The following GMPS variants were observed in gnomAD, a reference collection of about 807,000 sequenced individuals.
The protein encoded by GMPS is GMP synthase [glutamine-hydrolyzing].
A neutral mutation model predicts 77.9 loss-of-function variants in GMPS; 15 were observed. The ratio of observed to expected loss-of-function variants is 0.19; its 90% CI spans 0.13 to 0.30. The LOEUF is 0.30. Ranked by LOEUF, GMPS falls within the 10% of genes least tolerant of loss-of-function variation. GMPS has a pLI of 1.00. For missense variants in GMPS, 590 were observed against 838.8 expected, an observed-to-expected ratio of 0.70 and a Z score of 3.66; for synonymous variants, 224 against 275.9, an observed-to-expected ratio of 0.81 and a Z score of 1.86.
At chr3:155,924,022 A>G (rs1411849021) in intron 11 of GMPS, among the ~76,000 whole-genome samples, 1 of 152,214 alleles carries the variant, frequency 6.6e-6, no homozygotes, top group Non-Finnish European at 1.5e-5. Flanking sequence ...CTGGGATTAC[A>G]GGCATGTGCC....
At chr3:155,904,022 A>G (rs944910337) in intron 4 of GMPS, 62 bp downstream of exon 4, 8 of 668,810 alleles carry the variant, frequency 1.2e-5, no homozygotes, top group African/African-American at 7.3e-5. Context: ...TGATACTATT[A>G]TTTTTAACAA....
chr3:155,943,123 C>T lies in GMPS; in HGVS notation c.*5431C>T, dbSNP rs1035486564. ...GCGCGCGCCTGTAATCCCAGCTACT[C>T]GGAAGGCTGAGGTGTGAGAATCACT... On this transcript the variant is annotated 3_prime_UTR_variant, in exon 16 of 16. Transcript: ENST00000496455. The T allele has an allele frequency of 1.6e-4, 29 of 175,810 alleles. No individual in the cohort carries two copies. The highest frequency in any genetic ancestry group is 6.2e-4 in the African/African-American group (26 of 42,238). 10.9% of individuals were successfully genotyped at this position (175,810 alleles called of 1,614,324 possible).
intron 1 of GMPS, among the ~76,000 whole-genome samples, chr3:155,893,285 A>G (rs1754517944): frequency 6.6e-6 from 1 of 152,212 alleles, no homozygotes; most frequent in Non-Finnish European, 1.5e-5. Flanking sequence ...TCACTATATT[A>G]CATAGTCAAT....
At position 155,943,314 on chromosome 3, in the gene GMPS, T is replaced by A. The variant is rs374784306; in HGVS notation, c.*5622T>A. The A allele has an allele frequency of 3.3e-5, 6 of 181,284 alleles. No homozygotes were observed. The East Asian group carries it at 5.4e-4, about 16-fold the overall frequency. The allele number at this position is 181,284 out of a possible 1,614,324, so 11.2% of individuals were successfully genotyped here. On this transcript the variant is annotated 3_prime_UTR_variant, in exon 16 of 16. Transcript: ENST00000496455. ...TAAGGGCCCTTGGTTAGCAAAATTA[T>A]GAAAGTTTAGGAAATTTGGCTATTG...
At chr3:155,929,252 C>T (rs943920629) in intron 12 of GMPS, among the ~76,000 whole-genome samples, 4 of 151,498 alleles carry the variant, frequency 2.6e-5, no homozygotes, top group Non-Finnish European at 5.9e-5. Flanking sequence ...GATGGTATCT[C>T]ATAGTGGTTT....
At chr3:155,904,217 G>A (rs762315552) in intron 4 of GMPS, among the ~76,000 whole-genome samples, 28 of 151,998 alleles carry the variant, frequency 1.8e-4, no homozygotes, top group South Asian at 6.2e-4. Flanking sequence ...ACTTGGAATC[G>A]TATATTGTGA....
rs1755423049 is a variant in GMPS, at chr3:155,925,267, A to G, written c.1461A>G (p.Lys487=). 6.2e-7 allele frequency: 1 copy of G among 1,613,040 alleles called. No individual in the cohort carries two copies. The highest frequency in any genetic ancestry group is 1.7e-5 in the Admixed American group (1 of 59,976). The stretch of plus-strand genomic sequence containing the variant: ...CACATACCCTATTACAGAGAGTCAA[A>G]GCCTGCACAACAGAAGAGGATCAGG... ...KKPHTLLQRV[K]ACTTEEDQEK... The change falls in exon 12 of 16, where the codon AAA becomes AAG. Residue 487 remains lysine, a synonymous_variant. Coordinates refer to ENST00000496455, the MANE Select transcript of GMPS (RefSeq NM_003875.3).
intron 4 of GMPS, 126 bp from the exon 5 acceptor site, chr3:155,906,034 C>T: frequency 2.0e-6 from 1 of 507,664 alleles, no homozygotes; most frequent in Admixed American, 3.7e-5. Flanking sequence ...AGCAGTATTC[C>T]ATTGTCACTT....
chr3:155,936,220 C>CCA lies in GMPS; in HGVS notation c.1808-118_1808-117insCA, dbSNP rs1755762629. The CCA allele has an allele frequency of 6.1e-6, 4 of 658,678 alleles. No individual in the cohort carries two copies. In the East Asian group the frequency reaches 1.0e-4, roughly 17 times the overall value. 40.8% of individuals were successfully genotyped at this position (658,678 alleles called of 1,614,324 possible). A position where few individuals can be genotyped will look rare whatever the true frequency, so the allele number is the denominator to read the frequency against. ...GCTGAAATCAATGCATGATGACAGT[C>CCA]TTAACTACGCTGTGTGTGTATATGT... On this transcript the variant is annotated intron_variant, in intron 14 of 15. Coordinates refer to ENST00000496455, the MANE Select transcript of GMPS (RefSeq NM_003875.3).
chr3:155,871,028 C>A, intron 1 of GMPS, 131 bp downstream of exon 1: 1 of 812,022 alleles, frequency 1.2e-6, no homozygotes, highest in Non-Finnish European at 1.7e-6. Flanking sequence ...CCCGGGCAGC[C>A]ACGCGTCGTA....
intron 11 of GMPS, among the ~76,000 whole-genome samples, chr3:155,924,837 C>A (rs1323927957): frequency 6.6e-6 from 1 of 151,626 alleles, no homozygotes; most frequent in Non-Finnish European, 1.5e-5. Context: ...ATTACTAATA[C>A]CTAGGGATAG....
At chr3:155,880,609 C>T (rs1040817657) in intron 1 of GMPS, among the ~76,000 whole-genome samples, 8 of 152,142 alleles carry the variant, frequency 5.3e-5, no homozygotes, top group African/African-American at 1.9e-4. Flanking sequence ...AGATATAGAA[C>T]ATTTCTGTCA....
intron 8 of GMPS, 30 bp downstream of exon 8, chr3:155,914,600 T>A: frequency 7.1e-7 from 1 of 1,416,392 alleles, no homozygotes; most frequent in Non-Finnish European, 9.6e-7. Context: ...CCTCAACATG[T>A]ACTATTTTTG....
In GMPS at chr3:155,937,059, G is replaced by A. The variant is rs115176835; in HGVS notation, c.1981-532G>A. Among the ~76,000 whole-genome samples the A allele has an allele frequency of 9.2e-4, 140 of 152,310 alleles. 1 individual carries two copies. Among genetic ancestry groups the A allele is most frequent in the African/African-American group, 3.2e-3 (135 of 41,592 alleles). ...AGCTGTCGTGATAGCTAGGTAGATG[G>A]GTTGGTTCGGAACGTGGCTTAGAGT... On this transcript the variant is annotated intron_variant, in intron 15 of 15. Transcript: ENST00000496455.
chr3:155,882,254 A>G (rs1225068921), intron 1 of GMPS, among the ~76,000 whole-genome samples: 1 of 152,204 alleles, frequency 6.6e-6, no homozygotes, highest in Non-Finnish European at 1.5e-5. Context: ...ATGATGAAGA[A>G]TTAGGGCCAA....
chr3:155,914,720 T>C, intron 8 of GMPS, 150 bp downstream of exon 8: 1 of 491,026 alleles, frequency 2.0e-6, no homozygotes, highest in Non-Finnish European at 3.5e-6. Context: ...ATTGTCATTA[T>C]ATTGACCAGT....
In GMPS at chr3:155,910,762, A is replaced by G. The variant is rs750131963; in HGVS notation, c.597A>G (p.Gly199=). ...FHPEVGLTEN[G]KVILKNFLYD... is the part of the protein sequence containing the mutation. ...CTGAAGTTGGCCTTACAGAAAATGG[A>G]AAAGTAATACTGAAGAATTTCCTTT... Residue 199 remains glycine, a synonymous_variant, in exon 6 of 16, where the codon GGA becomes GGG. Coordinates refer to ENST00000496455, the MANE Select transcript of GMPS (RefSeq NM_003875.3). 5.0e-6 allele frequency: 8 copies of G among 1,610,626 alleles called. No individual in the cohort carries two copies. In the East Asian group the frequency reaches 1.1e-4, roughly 22 times the overall value.
chr3:155,919,852 A>G (rs1246304487), intron 10 of GMPS, among the ~76,000 whole-genome samples: 1 of 152,218 alleles, frequency 6.6e-6, no homozygotes, highest in Non-Finnish European at 1.5e-5. Context: ...GCTGTCATAT[A>G]GAAAAAAATT....
At chr3:155,902,558 T>C (rs1047098357) in intron 3 of GMPS, among the ~76,000 whole-genome samples, 3 of 152,182 alleles carry the variant, frequency 2.0e-5, no homozygotes, top group Admixed American at 6.5e-5. Context: ...TATGGATGCT[T>C]TTGAGCTGCA....
Sources: gnomAD v4.1 joint callset for allele counts (sites outside exome capture counted in the v4.1 genomes callset) on GRCh38, gnomAD v4.1.1 for gene constraint, MANE v1.5 for transcripts, NCBI Gene and HGNC (gene_info 2026-07-23, HGNC 2026-07-21) for gene names.